Variants in DHX33 observed in about 807,000 individuals in gnomAD.
DHX33 encodes DEAH-box helicase 33.
In DHX33, 42 loss-of-function variants were observed where a neutral mutation model predicts 72.5. That is an observed-to-expected ratio of 0.58 (90% CI 0.45 to 0.75). The LOEUF (loss-of-function observed/expected upper bound fraction) is 0.75. Among genes scored for constraint, DHX33 ranks in the 30% least tolerant of loss-of-function variants. DHX33 has a pLI of 0.00. For missense variants in DHX33, 842 were observed against 917.5 expected (o/e 0.92, Z 1.06); for synonymous variants, 358 against 366.1 (o/e 0.98, Z 0.25).
At position 5,442,361 on chromosome 17, in the gene DHX33, C is replaced by CAAA. The variant is rs879641388; in HGVS notation, c.*1841_*1843dup. Reference sequence around the variant, plus strand: ...TAATCCCCTACTGGAAAACAAAAAACAAAAAACAAAAACTGGAAAACTTTT... The same window carrying CAAA: ...TAATCCCCTACTGGAAAACAAAAAACAAAAAAAAACAAAAACTGGAAAACTTTT... On this transcript the variant is annotated 3_prime_UTR_variant, in exon 12 of 12. Coordinates refer to ENST00000225296, the MANE Select transcript of DHX33 (RefSeq NM_020162.4). The CAAA allele has an allele frequency of 8.1e-6, 1 of 122,960 alleles. No individual in the cohort carries two copies. Among genetic ancestry groups the CAAA allele is most frequent in the African/African-American group, 3.0e-5 (1 of 32,836 alleles). 7.6% of individuals were successfully genotyped at this position (122,960 alleles called of 1,614,324 possible). A position where few individuals can be genotyped will look rare whatever the true frequency, so the allele number is the denominator to read the frequency against.
intron 2 of DHX33, among the ~76,000 whole-genome samples, chr17:5,463,029 AG>A (rs1330223189): frequency 6.6e-6 from 1 of 152,140 alleles, no homozygotes. Context: ...CAGTGAGCCA[AG>A]ATTGCGCCAC....
Position 5,453,997 on chromosome 17 carries a change from C to A in DHX33, c.1148-17G>T, listed in dbSNP as rs773871793. 2.5e-6 allele frequency: 4 copies of A among 1,611,086 alleles called. No homozygotes were observed. In the East Asian group the frequency reaches 6.7e-5, roughly 27 times the overall value. On this transcript the variant is annotated splice_polypyrimidine_tract_variant and intron_variant, in intron 6 of 11. Transcript: ENST00000225296. ...GACCACTGTCTGGATGGAGAGTGAG[C>A]CCCATTAGTGCTTCATCACATGAAC...
At chr17:5,455,903 A>G in intron 5 of DHX33, 94 bp downstream of exon 5, 1 of 1,371,290 alleles carries the variant, frequency 7.3e-7, no homozygotes, top group Non-Finnish European at 1.0e-6. Context: ...CATCCCATAC[A>G]CCTTATCTGG....
intron 11 of DHX33, among the ~76,000 whole-genome samples, chr17:5,448,124 A>G (rs1338435414): frequency 5.3e-5 from 8 of 152,068 alleles, no homozygotes; most frequent in Non-Finnish European, 1.2e-4. Context: ...GGTTGCAGTG[A>G]GCGGAGGCTG....
intron 1 of DHX33, among the ~76,000 whole-genome samples, chr17:5,466,405 G>A (rs914708818): frequency 6.6e-6 from 1 of 151,978 alleles, no homozygotes; most frequent in Non-Finnish European, 1.5e-5. Context: ...ATCCTAAATC[G>A]AGCAGCATCC....
In DHX33 at chr17:5,462,427, ACAG is replaced by A; in HGVS notation, c.567_569del (p.Cys190del). 6.2e-7 allele frequency: 1 copy of A among 1,614,182 alleles called. No individual in the cohort carries two copies. The highest frequency in any genetic ancestry group is 8.5e-7 in the Non-Finnish European group (1 of 1,180,016). On this transcript the variant is annotated inframe_deletion, in exon 3 of 12. Coordinates refer to ENST00000225296, the MANE Select transcript of DHX33 (RefSeq NM_020162.4). The stretch of plus-strand genomic sequence containing the variant: ...GTTCGTGAGCTTCATCCAAAATGAC[ACAG>A]CTGTATTTCCGAAGCAAAGAGTCTG...
chr17:5,450,880 T>C lies in DHX33; in HGVS notation c.1451A>G (p.Lys484Arg), dbSNP rs1221103218. The C allele has an allele frequency of 3.1e-6, 5 of 1,614,194 alleles. No individual in the cohort carries two copies. The highest frequency in any genetic ancestry group is 1.7e-5 in the Admixed American group (1 of 60,026). ...TGGAGTCAGGGTAAGCTGGTCATCC[T>C]TATGTTCAAGAGCACCTAACAGGTC... The part of the protein sequence containing the change: ...QLDLLGALEH[K>R]DDQLTLTPMG... The change falls in exon 9 of 12, where the codon AAG becomes AGG. Residue 484 changes from lysine (K) to arginine (R), a missense_variant. By Grantham distance (26) the Lys-to-Arg change is conservative (BLOSUM62 2). Coordinates refer to ENST00000225296, the MANE Select transcript of DHX33 (RefSeq NM_020162.4).
chr17:5,461,855 C>A (rs1029783440), intron 3 of DHX33, among the ~76,000 whole-genome samples: 1 of 147,332 alleles, frequency 6.8e-6, no homozygotes, highest in Non-Finnish European at 1.5e-5. Context: ...GGCCAATTAT[C>A]TGGATACTTT....
At position 5,450,265 on chromosome 17, in the gene DHX33, C is replaced by A. The variant is rs543543703; in HGVS notation, c.1666G>T (p.Glu556Ter). The change falls in exon 10 of 12, where the codon GAG (glutamate) becomes TAG (stop). Residue 556 changes from glutamate to a stop codon, truncating the protein, a stop_gained. Transcript: ENST00000225296. LOFTEE classifies it high-confidence loss of function. ...QGVRKKFISS[E>*]GDHMTLLNIY... is the part of the protein sequence containing the mutation. Reference sequence around the variant, plus strand: ...TTGAGCAGGGTCATGTGATCCCCCTCGCTGGATATGAACTTCTTGCGGACC... The same window carrying A: ...TTGAGCAGGGTCATGTGATCCCCCTAGCTGGATATGAACTTCTTGCGGACC... The A allele has an allele frequency of 6.2e-7, 1 of 1,614,062 alleles. No individual in the cohort carries two copies. The highest frequency in any genetic ancestry group is 8.5e-7 in the Non-Finnish European group (1 of 1,180,044).
chr17:5,464,065 G>A (rs2151692341), intron 1 of DHX33, among the ~76,000 whole-genome samples: 1 of 152,016 alleles, frequency 6.6e-6, no homozygotes, highest in Middle Eastern at 3.4e-3. Flanking sequence ...GCTGGGCACA[G>A]TGGCTCATGC....
rs765872638 is a variant in DHX33 at position 5,453,853 on chromosome 17, C to T, written c.1275G>A (p.Lys425=). 1.2e-6 allele frequency: 2 copies of T among 1,614,096 alleles called. No homozygotes were observed. Among genetic ancestry groups the T allele is most frequent in the Non-Finnish European group, 1.7e-6 (2 of 1,180,002 alleles). ...TCTCTGGCACGGTCATCTTATCAAACTTCTCAAACTCGTCCTCCGTGTAGA... is the reference window on the plus strand; with the variant it reads ...TCTCTGGCACGGTCATCTTATCAAATTTCTCAAACTCGTCCTCCGTGTAGA... ...YRLYTEDEFE[K]FDKMTVPEIQ... is the part of the protein sequence containing the mutation. The change falls in exon 7 of 12, where the codon AAG becomes AAA. Residue 425 remains lysine, a synonymous_variant. Transcript: ENST00000225296.
chr17:5,459,845 G>T (rs1904499303), intron 4 of DHX33, among the ~76,000 whole-genome samples: 1 of 150,850 alleles, frequency 6.6e-6, no homozygotes, highest in African/African-American at 2.5e-5. Flanking sequence ...ACAGGGTTTT[G>T]CTATGTTGTC....
intron 6 of DHX33, 78 bp downstream of exon 6, chr17:5,455,082 G>T: frequency 7.7e-7 from 1 of 1,296,426 alleles, no homozygotes; most frequent in Non-Finnish European, 1.1e-6. Context: ...GAAACACTCA[G>T]GGGAAAACTG....
At chr17:5,456,963 TG>T (rs1324801237) in intron 4 of DHX33, among the ~76,000 whole-genome samples, 1 of 152,180 alleles carries the variant, frequency 6.6e-6, no homozygotes, top group East Asian at 1.9e-4. Context: ...CACTTTCAAA[TG>T]GAACAACACC....
chr17:5,463,198 C>A lies in DHX33; in HGVS notation c.450+331G>T, dbSNP rs1415234978. On this transcript the variant is annotated intron_variant, in intron 2 of 11. Coordinates refer to ENST00000225296, the MANE Select transcript of DHX33 (RefSeq NM_020162.4). Reference sequence around the variant, plus strand: ...CTGTCTTATATACAGTTCTGAGACTCATTCTCAATACTCACATATACACTG... The same window carrying A: ...CTGTCTTATATACAGTTCTGAGACTAATTCTCAATACTCACATATACACTG... Among the ~76,000 whole-genome samples the A allele has an allele frequency of 1.3e-5, 2 of 152,192 alleles. 1 individual carries two copies. The highest frequency in any genetic ancestry group is 1.3e-4 in the Admixed American group (2 of 15,278).
rs1159541480 is a variant in DHX33, at chr17:5,442,568, A to G, written c.*1637T>C. 2.6e-5 allele frequency: 4 copies of G among 152,088 alleles called. No individual in the cohort carries two copies. The highest frequency in any genetic ancestry group is 4.4e-5 in the Non-Finnish European group (3 of 68,038). The allele number at this position is 152,088 out of a possible 1,614,324, so 9.4% of individuals were successfully genotyped here. On this transcript the variant is annotated 3_prime_UTR_variant, in exon 12 of 12. Coordinates refer to ENST00000225296, the MANE Select transcript of DHX33 (RefSeq NM_020162.4). Reference sequence around the variant, plus strand: ...TGCACAGGACCACGGCTAGTGTTGGAAATAAAGACTGAGCCGGACTTGACA... The same window carrying G: ...TGCACAGGACCACGGCTAGTGTTGGGAATAAAGACTGAGCCGGACTTGACA...
chr17:5,458,081 G>A (rs1019909091), intron 4 of DHX33, among the ~76,000 whole-genome samples: 2 of 152,148 alleles, frequency 1.3e-5, no homozygotes, highest in African/African-American at 4.8e-5. Flanking sequence ...TTCAAAGTCT[G>A]AGTATAGAGT....
chr17:5,461,059 G>C lies in DHX33; in HGVS notation c.729C>G (p.Phe243Leu), dbSNP rs751929886. The C allele has an allele frequency of 1.9e-6, 3 of 1,613,752 alleles. No homozygotes were observed. The South Asian group carries it at 3.3e-5, about 18-fold the overall frequency. ...TMDVDLFSQY[F>L]NGAPVLYLEG... is the part of the protein sequence containing the mutation. Reference sequence around the variant, plus strand: ...CTAGGTAGAGGACGGGGGCGCCATTGAAATACTGAGAGAACAGGTCCACAT... The same window carrying C: ...CTAGGTAGAGGACGGGGGCGCCATTCAAATACTGAGAGAACAGGTCCACAT... The change falls in exon 4 of 12, where the codon TTC becomes TTG. Residue 243 changes from phenylalanine to leucine, a missense_variant. By Grantham distance (22) the Phe-to-Leu change is conservative. Coordinates refer to ENST00000225296, the MANE Select transcript of DHX33 (RefSeq NM_020162.4).
chr17:5,449,740 G>A (rs185840242), intron 10 of DHX33, among the ~76,000 whole-genome samples: 3 of 152,144 alleles, frequency 2.0e-5, no homozygotes, highest in Admixed American at 2.0e-4. Flanking sequence ...CCTGGCCCTG[G>A]GCAAGTTTTT....
Sources: allele counts gnomAD v4.1 joint callset (sites outside exome capture counted in the v4.1 genomes callset), GRCh38; gene constraint gnomAD v4.1.1; transcripts MANE v1.5; gene names NCBI Gene and HGNC (gene_info 2026-07-23, HGNC 2026-07-21).